The following OSBPL9 variants were observed in gnomAD, a reference collection of about 807,000 sequenced individuals.
OSBPL9 encodes the protein oxysterol binding protein like 9.
In OSBPL9, 40 loss-of-function variants were observed where a neutral mutation model predicts 106.6. The ratio of observed to expected loss-of-function variants is 0.38; its 90% confidence interval spans 0.29 to 0.49. The LOEUF is 0.49. Among genes scored for constraint, OSBPL9 ranks in the 20% least tolerant of loss-of-function variants. OSBPL9 has a pLI of 0.97. For missense variants in OSBPL9, 609 were observed against 887.2 expected (o/e 0.69, Z 3.98); for synonymous variants, 269 against 295.4 (o/e 0.91, Z 0.92).
intron 3 of OSBPL9, among the ~76,000 whole-genome samples, chr1:51,673,920 G>T (rs1216106109): frequency 1.3e-5 from 2 of 151,280 alleles, no homozygotes; most frequent in African/African-American, 4.9e-5. Flanking sequence ...GTAGGAACTG[G>T]TAATTGCTCA....
At chr1:51,546,436 G>A in the OSBPL9 span, among the ~76,000 whole-genome samples, 3 of 152,068 alleles carry the variant, frequency 2.0e-5, no homozygotes, top group Admixed American at 6.5e-5. Context: ...GGTGGCTCAC[G>A]CCTGTAATCC....
intron 4 of OSBPL9, among the ~76,000 whole-genome samples, chr1:51,725,440 GCTTA>G (rs1448244699): frequency 6.6e-6 from 1 of 152,112 alleles, no homozygotes; most frequent in African/African-American, 2.4e-5. Context: ...TAGTTTCGAT[GCTTA>G]CTGTGTCTCT....
chr1:51,786,537 C>G lies in OSBPL9; in HGVS notation c.1920C>G (p.Val640=). ...CTATTGTTTTCTAGGAAAATACAGT[C>G]TTTGTAGATACCAAGAAGTTGCCTA... ...YAKYATGENT[V]FVDTKKLPII... Residue 640 remains valine (V), a synonymous_variant, in exon 22 of 24, where the codon GTC becomes GTG. Transcript: ENST00000428468. 6.2e-7 allele frequency: 1 copy of G among 1,605,488 alleles called. No individual in the cohort carries two copies. The highest frequency in any genetic ancestry group is 8.5e-7 in the Non-Finnish European group (1 of 1,172,526).
intron 4 of OSBPL9, among the ~76,000 whole-genome samples, chr1:51,721,851 G>A (rs1196353338): frequency 1.3e-5 from 2 of 152,244 alleles, no homozygotes; most frequent in African/African-American, 4.8e-5. Flanking sequence ...GTGGAATGGA[G>A]AAGTAGCCAG....
intron 9 of OSBPL9, 60 bp from the exon 10 acceptor site, chr1:51,760,630 G>A: frequency 6.2e-7 from 1 of 1,607,922 alleles, no homozygotes; most frequent in Non-Finnish European, 8.5e-7. Context: ...GGGCATTTGG[G>A]AGGGTAGCAT....
At chr1:51,552,363 A>G in the OSBPL9 span, among the ~76,000 whole-genome samples, 1 of 152,210 alleles carries the variant, frequency 6.6e-6, no homozygotes, top group African/African-American at 2.4e-5. Context: ...AGCACTTACT[A>G]TATACCAGGA....
chr1:51,624,684 G>T (rs369020122), intron 1 of OSBPL9, among the ~76,000 whole-genome samples: 1 of 152,170 alleles, frequency 6.6e-6, no homozygotes, highest in Admixed American at 6.5e-5. Context: ...TCAGTGGGAA[G>T]AATTATTTGG....
chr1:51,726,147 T>C (rs1663075596), intron 4 of OSBPL9, among the ~76,000 whole-genome samples: 1 of 152,262 alleles, frequency 6.6e-6, no homozygotes, highest in African/African-American at 2.4e-5. Flanking sequence ...GTGGTTCCCA[T>C]GGGTGCTGGT....
At chr1:51,748,851 C>T (rs1027002239) in intron 7 of OSBPL9, among the ~76,000 whole-genome samples, 3 of 151,984 alleles carry the variant, frequency 2.0e-5, no homozygotes, top group Non-Finnish European at 4.4e-5. Flanking sequence ...TTTGGGAGGC[C>T]GAGGTGGGCG....
chr1:51,700,118 C>T (rs887225645), intron 3 of OSBPL9, among the ~76,000 whole-genome samples: 6 of 152,156 alleles, frequency 3.9e-5, no homozygotes, highest in Non-Finnish European at 7.4e-5. Context: ...TAAATGTCAC[C>T]ATCACTCCAT....
At chr1:51,658,069 C>CT (rs1646921320) in intron 2 of OSBPL9, among the ~76,000 whole-genome samples, 2 of 151,192 alleles carry the variant, frequency 1.3e-5, no homozygotes. Flanking sequence ...GATCATACTA[C>CT]TGCACTCCAG....
chr1:51,535,539 T>C, the OSBPL9 span, among the ~76,000 whole-genome samples: 3 of 152,164 alleles, frequency 2.0e-5, no homozygotes, highest in Non-Finnish European at 2.9e-5. Flanking sequence ...ATCTATGCTT[T>C]ATTATTATTA....
At chr1:51,629,599 A>G (rs2148649209) in intron 1 of OSBPL9, among the ~76,000 whole-genome samples, 1 of 152,254 alleles carries the variant, frequency 6.6e-6, no homozygotes, top group East Asian at 1.9e-4. Flanking sequence ...TGGCCTTTGG[A>G]GGTTCGCTGA....
intron 1 of OSBPL9, among the ~76,000 whole-genome samples, chr1:51,636,822 G>A (rs1306798410): frequency 6.7e-6 from 1 of 149,612 alleles, no homozygotes; most frequent in Non-Finnish European, 1.5e-5. Context: ...AAATAAAATT[G>A]TCATTTCCAA....
At chr1:51,724,323 G>A (rs963139824) in intron 4 of OSBPL9, among the ~76,000 whole-genome samples, 17 of 151,750 alleles carry the variant, frequency 1.1e-4, no homozygotes, top group African/African-American at 3.1e-4. Context: ...TCACTCTGTC[G>A]CCTGGGCTGG....
At chr1:51,608,675 AT>A (rs1420120790) in intron 2 of OSBPL9, among the ~76,000 whole-genome samples, 1 of 135,392 alleles carries the variant, frequency 7.4e-6, no homozygotes, top group Non-Finnish European at 1.6e-5. Flanking sequence ...ACATTCCTGG[AT>A]TGGGGGGGGG....
intron 3 of OSBPL9, among the ~76,000 whole-genome samples, chr1:51,672,343 T>C (rs771792278): frequency 5.3e-5 from 8 of 152,214 alleles, no homozygotes; most frequent in Non-Finnish European, 1.0e-4. Context: ...TTTAATCACC[T>C]TTATTGAGGT....
chr1:51,678,426 C>G (rs1651793129), intron 3 of OSBPL9, among the ~76,000 whole-genome samples: 1 of 152,028 alleles, frequency 6.6e-6, no homozygotes, highest in African/African-American at 2.4e-5. Context: ...TTTGGGAGGC[C>G]AAGGCGGGCG....
chr1:51,709,383 GCA>G, intron 3 of OSBPL9: 1 of 208,732 alleles, frequency 4.8e-6, no homozygotes, highest in African/African-American at 2.3e-5. Context: ...GCATAAGCAT[GCA>G]CAGTTCTGGA....
Sources: allele counts gnomAD v4.1 joint callset (sites outside exome capture counted in the v4.1 genomes callset), GRCh38; gene constraint gnomAD v4.1.1; transcripts MANE v1.5; gene names NCBI Gene and HGNC (gene_info 2026-07-23, HGNC 2026-07-21).